Variants in LRMDA observed in about 807,000 individuals in gnomAD.
LRMDA encodes leucine-rich melanocyte differentiation-associated protein.
A neutral mutation model predicts 29.8 loss-of-function variants in LRMDA; 18 were observed. The observed-to-expected ratio is 0.60, with a 90% CI of 0.42 to 0.90. The LOEUF is 0.90. LRMDA is among the 40% of genes least tolerant of loss of function. The pLI, the probability that LRMDA is intolerant of heterozygous loss-of-function variation, is 0.00. For synonymous variants in LRMDA, 125 were observed against 109.4 expected (o/e 1.14, Z -0.89); for missense variants, 273 against 273.9 (o/e 1.00, Z 0.02).
chr10:76,416,430 C>CT (rs1432537639), intron 6 of LRMDA, among the ~76,000 whole-genome samples: 3 of 152,170 alleles, frequency 2.0e-5, no homozygotes, highest in Non-Finnish European at 4.4e-5. Flanking sequence ...CTTCTTTAAG[C>CT]TTTTTTGTCC....
At chr10:75,880,933 G>A (rs1845284373) in intron 2 of LRMDA, among the ~76,000 whole-genome samples, 1 of 152,158 alleles carries the variant, frequency 6.6e-6, no homozygotes, top group African/African-American at 2.4e-5. Context: ...GGAACAGCAG[G>A]TTCATGAGAG....
chr10:75,939,703 A>G (rs192853808), intron 2 of LRMDA, among the ~76,000 whole-genome samples: 56 of 152,266 alleles, frequency 3.7e-4, no homozygotes, highest in Middle Eastern at 3.4e-3. Context: ...GTGAGTGTGC[A>G]GTCAGTACTC....
chr10:76,131,120 G>A (rs1849985201), intron 5 of LRMDA, among the ~76,000 whole-genome samples: 1 of 152,204 alleles, frequency 6.6e-6, no homozygotes, highest in African/African-American at 2.4e-5. Context: ...CTTAATGGGT[G>A]AGAGAGCTGC....
At chr10:76,381,384 A>G (rs1270605789) in intron 6 of LRMDA, among the ~76,000 whole-genome samples, 1 of 152,174 alleles carries the variant, frequency 6.6e-6, no homozygotes, top group Non-Finnish European at 1.5e-5. Flanking sequence ...ACAATAGTCC[A>G]TATATATCAC....
intron 2 of LRMDA, among the ~76,000 whole-genome samples, chr10:75,808,102 G>A (rs1843890454): frequency 2.0e-5 from 3 of 152,162 alleles, no homozygotes; most frequent in Non-Finnish European, 2.9e-5. Flanking sequence ...CTGCAATCCC[G>A]AATAGAATGA....
intron 5 of LRMDA, among the ~76,000 whole-genome samples, chr10:76,206,128 G>A (rs2132238959): frequency 6.6e-6 from 1 of 152,310 alleles, no homozygotes; most frequent in South Asian, 2.1e-4. Flanking sequence ...TGACCTAAGA[G>A]AAAGGGAGTT....
Position 76,116,622 on chromosome 10 carries a change from C to T in LRMDA, c.516+57839C>T, listed in dbSNP as rs534558945. On this transcript the variant is annotated intron_variant, in intron 5 of 6. Transcript: ENST00000611255. ...CCTTCCTAGAAGCACTTTGACCTCCCGGTCAAAGGTTTAAACCTCAGTTGA... is the reference window on the plus strand; with the variant it reads ...CCTTCCTAGAAGCACTTTGACCTCCTGGTCAAAGGTTTAAACCTCAGTTGA... Among the ~76,000 whole-genome samples the T allele has an allele frequency of 6.6e-4, 100 of 152,256 alleles. 1 individual carries two copies. The South Asian group carries it at 0.018, about 27-fold the overall frequency.
At chr10:75,823,180 C>T (rs765398604) in intron 2 of LRMDA, among the ~76,000 whole-genome samples, 2 of 152,118 alleles carry the variant, frequency 1.3e-5, no homozygotes, top group South Asian at 4.1e-4. Flanking sequence ...AAAAGGACAA[C>T]CTACAGAATG....
intron 2 of LRMDA, among the ~76,000 whole-genome samples, chr10:75,569,316 A>G (rs1370760852): frequency 1.3e-5 from 2 of 152,218 alleles, no homozygotes; most frequent in African/African-American, 4.8e-5. Flanking sequence ...AGAAAAAAGC[A>G]CTGGGTTTCC....
intron 2 of LRMDA, among the ~76,000 whole-genome samples, chr10:75,788,275 C>T (rs1404159982): frequency 6.6e-6 from 1 of 152,194 alleles, no homozygotes; most frequent in East Asian, 1.9e-4. Flanking sequence ...ACAGATTCAG[C>T]CTCTTGTGTT....
chr10:76,160,062 G>A (rs1850615781), intron 5 of LRMDA, among the ~76,000 whole-genome samples: 1 of 152,104 alleles, frequency 6.6e-6, no homozygotes, highest in South Asian at 2.1e-4. Flanking sequence ...GTTCATCAGT[G>A]TAACAATTGT....
chr10:75,984,342 G>A (rs947823915), intron 2 of LRMDA, among the ~76,000 whole-genome samples: 1 of 152,204 alleles, frequency 6.6e-6, no homozygotes, highest in African/African-American at 2.4e-5. Flanking sequence ...GGCCTACGCA[G>A]AGCTTCCCTG....
chr10:76,329,650 T>C (rs1840880412), intron 6 of LRMDA, among the ~76,000 whole-genome samples: 1 of 152,324 alleles, frequency 6.6e-6, no homozygotes, highest in Admixed American at 6.5e-5. Context: ...CTTGGTCTAT[T>C]TGTGTTTGAA....
chr10:76,227,562 A>T (rs1851982998), intron 5 of LRMDA, among the ~76,000 whole-genome samples: 1 of 152,170 alleles, frequency 6.6e-6, no homozygotes, highest in South Asian at 2.1e-4. Flanking sequence ...TGATAGTTTT[A>T]GGGTGATTTT....
rs549446625 is a variant in LRMDA at position 75,852,119 on chromosome 10, G to T, written c.132-183889G>T. ...TTTTTGGAGTGGTTTGCTATGGCAG[G>T]ATCCAAAAAAAGGCTGGCAGTAGGC... On this transcript the variant is annotated intron_variant, in intron 2 of 6. Coordinates refer to ENST00000611255, the MANE Select transcript of LRMDA (RefSeq NM_001305581.2). Among the ~76,000 whole-genome samples the T allele has an allele frequency of 9.9e-5, 15 of 152,136 alleles. No homozygotes were observed. In the South Asian group the frequency reaches 3.1e-3, roughly 32 times the overall value.
At chr10:76,061,431 AC>A (rs1258961205) in intron 5 of LRMDA, among the ~76,000 whole-genome samples, 1 of 152,174 alleles carries the variant, frequency 6.6e-6, no homozygotes, top group Non-Finnish European at 1.5e-5. Flanking sequence ...TAGGCTTGGT[AC>A]CTGGGTATGA....
intron 2 of LRMDA, among the ~76,000 whole-genome samples, chr10:75,697,443 T>C (rs1842249499): frequency 6.6e-6 from 1 of 151,958 alleles, no homozygotes; most frequent in African/African-American, 2.4e-5. Context: ...GCTAAGGGGT[T>C]GTACTTTCCA....
At chr10:75,653,515 G>A (rs1841626272) in intron 2 of LRMDA, among the ~76,000 whole-genome samples, 1 of 152,170 alleles carries the variant, frequency 6.6e-6, no homozygotes, top group South Asian at 2.1e-4. Context: ...GGGAGTGAGA[G>A]AGAGTTGCAG....
intron 2 of LRMDA, among the ~76,000 whole-genome samples, chr10:75,514,668 C>T (rs56724131): frequency 1.3e-5 from 2 of 152,208 alleles, no homozygotes; most frequent in African/African-American, 4.8e-5. Context: ...GCTGGTATCT[C>T]CCTCCTCCTC....
Sources: allele counts gnomAD v4.1 joint callset (sites outside exome capture counted in the v4.1 genomes callset), GRCh38; gene constraint gnomAD v4.1.1; transcripts MANE v1.5; gene names NCBI Gene and HGNC (gene_info 2026-07-23, HGNC 2026-07-21).